The following GSE1 variants were observed in gnomAD, a reference collection of about 807,000 sequenced individuals.
GSE1 encodes genetic suppressor element 1.
In GSE1, 32 loss-of-function variants were observed where a neutral mutation model predicts 112.6. That is an observed-to-expected ratio of 0.28 (90% CI 0.21 to 0.38). GSE1 has a LOEUF of 0.38. Among genes scored for constraint, GSE1 ranks in the 10% least tolerant of loss-of-function variants. The pLI is 1.00. For synonymous variants in GSE1, 1,115 were observed against 735.6 expected (o/e 1.52, Z -8.35); for missense variants, 2,348 against 1,699.2 (o/e 1.38, Z -6.71).
intron 2 of GSE1, among the ~76,000 whole-genome samples, chr16:85,502,201 G>A (rs1280791654): frequency 6.6e-6 from 1 of 152,186 alleles, no homozygotes; most frequent in East Asian, 1.9e-4. Context: ...GGGACCATAT[G>A]GGCTGCGTCC....
chr16:85,263,761 C>T (rs1483367380), intron 1 of GSE1, among the ~76,000 whole-genome samples: 3 of 152,124 alleles, frequency 2.0e-5, no homozygotes, highest in African/African-American at 7.2e-5. Context: ...CTAGTAGAGA[C>T]AGGGTTTCAC....
intron 2 of GSE1, among the ~76,000 whole-genome samples, chr16:85,520,255 G>C (rs2052135908): frequency 6.6e-6 from 1 of 152,032 alleles, no homozygotes; most frequent in South Asian, 2.1e-4. Flanking sequence ...CATCGTGAGG[G>C]CCGCGCTCTC....
At chr16:85,389,476 A>AG (rs2047785437) in intron 2 of GSE1, among the ~76,000 whole-genome samples, 1 of 151,656 alleles carries the variant, frequency 6.6e-6, no homozygotes, top group Non-Finnish European at 1.5e-5. Flanking sequence ...AAAAAAAAAA[A>AG]AAAAAGTGGC....
chr16:85,613,201 T>C, upstream of GSE1: 1 of 1,411,822 alleles, frequency 7.1e-7, no homozygotes, highest in South Asian at 1.5e-5. Flanking sequence ...GTGGGCGGCG[T>C]TGCGTTTGGG....
rs561356419 is a variant in GSE1, at chr16:85,227,500, A to G, written c.2283+55693A>G. ...GTGGGTGAGAGATAAAGGGCGATCC[A>G]GGTAGCAGGAACAGCACAGGCAGGG... On this transcript the variant is annotated intron_variant, in intron 1 of 2. Coordinates refer to the GSE1 transcript ENST00000637419. Among the ~76,000 whole-genome samples the G allele has an allele frequency of 1.8e-3, 272 of 152,384 alleles. 3 individuals carry two copies. The highest frequency in any genetic ancestry group is 6.2e-3 in the African/African-American group (257 of 41,602).
intron 1 of GSE1, among the ~76,000 whole-genome samples, chr16:85,179,656 C>G (rs1244476421): frequency 6.6e-6 from 1 of 152,210 alleles, no homozygotes; most frequent in East Asian, 1.9e-4. Context: ...AGCCCTGTTT[C>G]ATCACTTCTG....
chr16:85,401,832 G>A (rs959045508), intron 2 of GSE1, among the ~76,000 whole-genome samples: 6 of 152,220 alleles, frequency 3.9e-5, no homozygotes, highest in Non-Finnish European at 8.8e-5. Flanking sequence ...CATTCCTGAC[G>A]GGAATGTCTA....
At chr16:85,235,964 C>T (rs974861424) in intron 1 of GSE1, among the ~76,000 whole-genome samples, 3 of 145,548 alleles carry the variant, frequency 2.1e-5, no homozygotes, top group Non-Finnish European at 3.0e-5. Flanking sequence ...CCGGCGCCCC[C>T]TCCGGCGCCG....
intron 2 of GSE1, among the ~76,000 whole-genome samples, chr16:85,535,426 C>G (rs1408835920): frequency 6.6e-6 from 1 of 152,234 alleles, no homozygotes; most frequent in African/African-American, 2.4e-5. Context: ...GCCTGGGTTA[C>G]CTCCAGAGTC....
chr16:85,482,468 C>A (rs1461420882), intron 2 of GSE1, among the ~76,000 whole-genome samples: 3 of 151,646 alleles, frequency 2.0e-5, no homozygotes, highest in Non-Finnish European at 4.4e-5. Flanking sequence ...CCGCGACCTG[C>A]AGCGGGTCCC....
chr16:85,484,667 A>T (rs1268342615), intron 2 of GSE1, among the ~76,000 whole-genome samples: 3 of 152,226 alleles, frequency 2.0e-5, no homozygotes, highest in African/African-American at 4.8e-5. Flanking sequence ...CAGCTGGGGA[A>T]GTAGGCGCAG....
intron 2 of GSE1, among the ~76,000 whole-genome samples, chr16:85,550,191 G>A (rs1485333458): frequency 3.9e-5 from 6 of 152,136 alleles, no homozygotes; most frequent in Non-Finnish European, 7.3e-5. Context: ...GGGGCGAGAC[G>A]GAATTTGAAG....
chr16:85,255,685 G>A (rs1384503720), intron 1 of GSE1, among the ~76,000 whole-genome samples: 1 of 151,880 alleles, frequency 6.6e-6, no homozygotes, highest in Non-Finnish European at 1.5e-5. Context: ...TTACAGGCGT[G>A]AGCCACCGCA....
chr16:85,343,124 G>T (rs2046659630), intron 1 of GSE1, among the ~76,000 whole-genome samples: 1 of 152,072 alleles, frequency 6.6e-6, no homozygotes, highest in Non-Finnish European at 1.5e-5. Flanking sequence ...TCAGCAAGCA[G>T]TTCAACAAAG....
chr16:85,494,433 C>T (rs2051105604), intron 2 of GSE1, among the ~76,000 whole-genome samples: 1 of 150,598 alleles, frequency 6.6e-6, no homozygotes, highest in Non-Finnish European at 1.5e-5. Flanking sequence ...TGCAAAGATC[C>T]CATTTCCAAA....
chr16:85,191,146 G>C (rs1193732217), intron 1 of GSE1, among the ~76,000 whole-genome samples: 2 of 152,076 alleles, frequency 1.3e-5, no homozygotes, highest in Non-Finnish European at 2.9e-5. Context: ...TGTAATCCCA[G>C]CTACTTGCGA....
rs139737090 is a variant in GSE1 at position 85,296,934 on chromosome 16, C to G, written c.2284-60529C>G. 5.0e-3 allele frequency among the ~76,000 whole-genome samples: 756 copies of G among 152,352 alleles called. 3 individuals are homozygous for G. The highest frequency in any genetic ancestry group is 8.2e-3 in the Non-Finnish European group (559 of 68,032). On this transcript the variant is annotated intron_variant, in intron 1 of 2. Transcript: ENST00000637419. ...GGGGTCTGTCGGCACGCCCAGGCTGCTCCCCCGGCGCTTCCCCGGCCAGTG... is the reference window on the plus strand; with the variant it reads ...GGGGTCTGTCGGCACGCCCAGGCTGGTCCCCCGGCGCTTCCCCGGCCAGTG...
chr16:85,398,173 C>T (rs1399978177), intron 2 of GSE1, among the ~76,000 whole-genome samples: 11 of 152,128 alleles, frequency 7.2e-5, no homozygotes, highest in Non-Finnish European at 1.6e-4. Flanking sequence ...GCAAAATGGG[C>T]GTGATGGGAT....
intron 2 of GSE1, among the ~76,000 whole-genome samples, chr16:85,544,576 C>T (rs935140318): frequency 2.6e-5 from 4 of 152,186 alleles, no homozygotes; most frequent in South Asian, 2.1e-4. Flanking sequence ...CTAAAAAGCT[C>T]GCACCCAGCA....
Sources: gnomAD v4.1 joint callset for allele counts (sites outside exome capture counted in the v4.1 genomes callset) on GRCh38, gnomAD v4.1.1 for gene constraint, MANE v1.5 for transcripts, NCBI Gene and HGNC (gene_info 2026-07-23, HGNC 2026-07-21) for gene names.